CALN1: variants seen among roughly 807,000 people sequenced by gnomAD.
The protein encoded by CALN1 is calcium-binding protein 8.
Under a neutral mutation model 30.6 loss-of-function variants are expected in CALN1, and 17 were observed. That is an observed-to-expected ratio of 0.56 (90% CI 0.38 to 0.83). The LOEUF (loss-of-function observed/expected upper bound fraction) is 0.83, where lower values mean the gene tolerates loss of function less well. CALN1 is among the 40% of genes least tolerant of loss of function. The pLI is 0.00. For synonymous variants in CALN1, 156 were observed against 131.4 expected, an observed-to-expected ratio of 1.19 and a Z score of -1.28; for missense variants, 291 against 354.9, an observed-to-expected ratio of 0.82 and a Z score of 1.45.
intron 3 of CALN1, among the ~76,000 whole-genome samples, chr7:72,228,815 G>A (rs1415137543): frequency 1.3e-5 from 2 of 151,626 alleles, no homozygotes; most frequent in East Asian, 3.9e-4. Context: ...AGGCTGGAGT[G>A]CACTGATGCA....
At chr7:72,039,453 G>T (rs371563803) in intron 4 of CALN1, among the ~76,000 whole-genome samples, 2 of 152,172 alleles carry the variant, frequency 1.3e-5, no homozygotes, top group African/African-American at 2.4e-5. Flanking sequence ...AACTCTTAAG[G>T]AATCAAAAGT....
intron 5 of CALN1, among the ~76,000 whole-genome samples, chr7:71,919,899 A>G (rs1357954090): frequency 6.6e-6 from 1 of 152,240 alleles, no homozygotes; most frequent in African/African-American, 2.4e-5. Context: ...ATCTAATGAC[A>G]GTATTTCCCG....
intron 5 of CALN1, among the ~76,000 whole-genome samples, chr7:71,980,610 C>A (rs1053117845): frequency 3.3e-5 from 5 of 152,166 alleles, no homozygotes; most frequent in African/African-American, 9.7e-5. Context: ...AGCAGTACAC[C>A]AGTCCAGTGG....
chr7:71,996,924 T>C (rs1007428358), intron 5 of CALN1, among the ~76,000 whole-genome samples: 4 of 151,804 alleles, frequency 2.6e-5, no homozygotes, highest in Non-Finnish European at 4.4e-5. Flanking sequence ...TGCAAGTAAA[T>C]AGGAGTTATA....
At chr7:71,992,839 G>C (rs1203964975) in intron 5 of CALN1, among the ~76,000 whole-genome samples, 1 of 152,140 alleles carries the variant, frequency 6.6e-6, no homozygotes, top group Non-Finnish European at 1.5e-5. Flanking sequence ...ACCAAGGGTG[G>C]ATCATAGCAG....
chr7:71,882,768 C>CCAA (rs1167323944), intron 5 of CALN1, among the ~76,000 whole-genome samples: 1 of 151,866 alleles, frequency 6.6e-6, no homozygotes, highest in Non-Finnish European at 1.5e-5. Context: ...ACTTCAGCCT[C>CCAA]CAACTCCTGG....
At position 71,779,796 on chromosome 7, in the gene CALN1, G is replaced by A. The variant is rs1187397128; in HGVS notation, c.*7979C>T. 2 of 152,140 alleles carry A rather than the reference G, an allele frequency of 1.3e-5. No homozygotes were observed. The highest frequency in any genetic ancestry group is 2.9e-5 in the Non-Finnish European group (2 of 68,036). The allele number at this position is 152,140 out of a possible 1,614,324, so 9.4% of individuals were successfully genotyped here. On this transcript the variant is annotated 3_prime_UTR_variant, in exon 7 of 7. Coordinates refer to ENST00000395275, the MANE Select transcript of CALN1 (RefSeq NM_031468.4). ...CAACTAATACTGAATGAGAGAAAAT[G>A]GGATGCTAATGAGGTAAATGGGAAG... is the stretch of plus-strand genomic sequence containing the variant.
At chr7:71,802,891 C>T (rs768074264) in intron 6 of CALN1, among the ~76,000 whole-genome samples, 13 of 152,018 alleles carry the variant, frequency 8.6e-5, no homozygotes, top group Non-Finnish European at 1.5e-4. Context: ...GGCATGGTGG[C>T]GCATGCCTGT....
the CALN1 span, among the ~76,000 whole-genome samples, chr7:72,474,120 CA>C: frequency 1.3e-5 from 2 of 152,062 alleles, no homozygotes; most frequent in Non-Finnish European, 2.9e-5. Context: ...CAGCAGAAAT[CA>C]ATTGCATTTC....
intron 3 of CALN1, among the ~76,000 whole-genome samples, chr7:72,110,791 T>C (rs1337256828): frequency 4.0e-5 from 6 of 151,720 alleles, no homozygotes; most frequent in Admixed American, 2.0e-4. Context: ...TAGAAGGAAA[T>C]GGGTCTTGCA....
At chr7:72,015,433 C>T (rs113343773) in intron 5 of CALN1, among the ~76,000 whole-genome samples, 34 of 136,136 alleles carry the variant, frequency 2.5e-4, no homozygotes, top group African/African-American at 8.9e-4. Flanking sequence ...TTCTTTCTTT[C>T]TTTTTTTTTT....
chr7:71,810,190 G>T (rs773783853), intron 6 of CALN1, 146 bp downstream of exon 6: 2 of 784,078 alleles, frequency 2.6e-6, no homozygotes. Context: ...TAGCAAAAAA[G>T]ATCTTTAACC....
chr7:72,052,677 C>A (rs967713917), intron 4 of CALN1, among the ~76,000 whole-genome samples: 1 of 152,116 alleles, frequency 6.6e-6, no homozygotes, highest in Non-Finnish European at 1.5e-5. Context: ...GCAGAGAAGG[C>A]GGATGGAAAT....
At chr7:72,220,399 T>G (rs1938816522) in intron 3 of CALN1, among the ~76,000 whole-genome samples, 1 of 151,952 alleles carries the variant, frequency 6.6e-6, no homozygotes, top group East Asian at 1.9e-4. Flanking sequence ...TGCATAGTAT[T>G]CCATGGTGTA....
chr7:72,476,302 T>C, the CALN1 span, among the ~76,000 whole-genome samples: 1 of 152,136 alleles, frequency 6.6e-6, no homozygotes, highest in African/African-American at 2.4e-5. Flanking sequence ...CTCCTTTGCC[T>C]TCCTTTGCTT....
chr7:71,996,592 G>A (rs889980767), intron 5 of CALN1, among the ~76,000 whole-genome samples: 48 of 152,232 alleles, frequency 3.2e-4, no homozygotes, highest in African/African-American at 4.8e-5. Flanking sequence ...ATAGTATTCC[G>A]TGGTGTATAT....
At position 72,368,146 on chromosome 7, in the gene CALN1, T is replaced by G. The variant is rs145821733; in HGVS notation, c.119+35105A>C. Among the ~76,000 whole-genome samples, 536 of 150,944 alleles carry G rather than the reference T, an allele frequency of 3.6e-3. 4 individuals are homozygous for G. The highest frequency in any genetic ancestry group is 0.017 in the Middle Eastern group (5 of 292). ...CAAAAAATACATATCTGTATCTATA[T>G]CTATGTGTGTGTATATATATATGTG... On this transcript the variant is annotated intron_variant, in intron 2 of 6. Coordinates refer to ENST00000395275, the MANE Select transcript of CALN1 (RefSeq NM_031468.4).
At chr7:71,910,820 A>G (rs995879673) in intron 5 of CALN1, among the ~76,000 whole-genome samples, 2 of 152,070 alleles carry the variant, frequency 1.3e-5, no homozygotes, top group African/African-American at 4.8e-5. Flanking sequence ...GAACCTGGGC[A>G]CTACCAATAC....
chr7:71,954,625 T>C (rs532458844), intron 5 of CALN1, among the ~76,000 whole-genome samples: 41 of 152,308 alleles, frequency 2.7e-4, no homozygotes, highest in African/African-American at 8.9e-4. Flanking sequence ...GTACTCCAGC[T>C]TGAGTGACAG....
Sources: gnomAD v4.1 joint callset for allele counts (sites outside exome capture counted in the v4.1 genomes callset) on GRCh38, gnomAD v4.1.1 for gene constraint, MANE v1.5 for transcripts, NCBI Gene and HGNC (gene_info 2026-07-23, HGNC 2026-07-21) for gene names.